ABCB10: variants seen among roughly 807,000 people sequenced by gnomAD.
The protein encoded by ABCB10 is ATP-binding cassette sub-family B member 10, mitochondrial.
ABCB10 carries 54 observed loss-of-function variants against 65.4 expected under a neutral mutation model. That is an observed-to-expected ratio of 0.83 (90% CI 0.66 to 1.04). The LOEUF (loss-of-function observed/expected upper bound fraction) is 1.04. ABCB10 is among the 50% of genes least tolerant of loss of function. The pLI is 0.00. For missense variants in ABCB10, 846 were observed against 976.6 expected (o/e 0.87, Z 1.78); for synonymous variants, 418 against 406.5 (o/e 1.03, Z -0.34).
intron 7 of ABCB10, among the ~76,000 whole-genome samples, 171 bp from the exon 8 acceptor site, chr1:229,530,579 C>T (rs916796397): frequency 3.9e-5 from 6 of 152,168 alleles, no homozygotes; most frequent in Non-Finnish European, 7.4e-5. Context: ...ATGCTTACCA[C>T]GTGCCAACTC....
intron 8 of ABCB10, 114 bp from the exon 9 acceptor site, chr1:229,527,422 C>A: frequency 1.1e-6 from 1 of 900,248 alleles, no homozygotes; most frequent in Non-Finnish European, 1.8e-6. Flanking sequence ...TCAAAATGTA[C>A]TGAAAATCTC....
At chr1:229,518,445 C>A in intron 12 of ABCB10, 35 bp from the exon 13 acceptor site, 11 of 1,565,006 alleles carry the variant, frequency 7.0e-6, no homozygotes, top group Non-Finnish European at 9.7e-6. Context: ...AAAGCAAAGA[C>A]GTCAGTGACA....
chr1:229,526,492 A>C (rs1466764271), intron 9 of ABCB10, among the ~76,000 whole-genome samples: 1 of 152,238 alleles, frequency 6.6e-6, no homozygotes, highest in Non-Finnish European at 1.5e-5. Flanking sequence ...AACCCTATGG[A>C]GTAGTCCTAA....
At chr1:229,532,196 C>T (rs1662603619) in intron 6 of ABCB10, among the ~76,000 whole-genome samples, 2 of 152,146 alleles carry the variant, frequency 1.3e-5, no homozygotes, top group South Asian at 4.1e-4. Flanking sequence ...AGGTGATCCA[C>T]CCGCCTCAGC....
chr1:229,519,742 T>G lies in ABCB10; in HGVS notation c.1951-867A>C, dbSNP rs180864909. Among the ~76,000 whole-genome samples the G allele has an allele frequency of 6.5e-4, 99 of 152,270 alleles. No individual in the cohort carries two copies. In the East Asian group the frequency reaches 0.017, roughly 26 times the overall value. On this transcript the variant is annotated intron_variant, in intron 11 of 12. Transcript: ENST00000344517. Reference sequence around the variant, plus strand: ...AAGTGGAGGCTGCAGTGAGCCAAGCTCACACCACTGCACTCCAGCCTGGGC... The same window carrying G: ...AAGTGGAGGCTGCAGTGAGCCAAGCGCACACCACTGCACTCCAGCCTGGGC...
chr1:229,543,174 A>G (rs1483979160), intron 3 of ABCB10, among the ~76,000 whole-genome samples: 1 of 151,862 alleles, frequency 6.6e-6, no homozygotes, highest in Non-Finnish European at 1.5e-5. Flanking sequence ...AACAGTCAAC[A>G]GAGGACTTGG....
chr1:229,548,487 T>C (rs1663021764), intron 2 of ABCB10, among the ~76,000 whole-genome samples: 1 of 152,124 alleles, frequency 6.6e-6, no homozygotes, highest in African/African-American at 2.4e-5. Flanking sequence ...TCTCTCATTA[T>C]TGTGGCAGTG....
intron 6 of ABCB10, 137 bp downstream of exon 6, chr1:229,539,319 C>T: frequency 7.6e-7 from 1 of 1,311,768 alleles, no homozygotes; most frequent in East Asian, 2.3e-5. Flanking sequence ...TTTAAAAGCC[C>T]AGTTGGAATA....
chr1:229,556,040 T>A (rs1247901193), intron 1 of ABCB10, among the ~76,000 whole-genome samples: 1 of 150,302 alleles, frequency 6.7e-6, no homozygotes, highest in African/African-American at 2.4e-5. Flanking sequence ...TATATATTCA[T>A]AATTTCTCAA....
intron 6 of ABCB10, among the ~76,000 whole-genome samples, chr1:229,537,579 G>T (rs1265239068): frequency 6.6e-6 from 1 of 152,126 alleles, no homozygotes; most frequent in Non-Finnish European, 1.5e-5. Context: ...CTGAGCTCAG[G>T]AGTTCAAGAC....
chr1:229,530,156 C>T (rs187496830), intron 8 of ABCB10, 43 bp downstream of exon 8: 874 of 1,601,570 alleles, frequency 5.5e-4, no homozygotes, highest in Middle Eastern at 1.9e-3. Context: ...GGGAGCAGAG[C>T]TCGGGAGAGT....
At chr1:229,522,669 A>C (rs1412380908) in intron 10 of ABCB10, among the ~76,000 whole-genome samples, 1 of 152,240 alleles carries the variant, frequency 6.6e-6, no homozygotes, top group African/African-American at 2.4e-5. Flanking sequence ...TCTTAAAAGC[A>C]TGTAAAGATC....
At chr1:229,519,780 C>CCGTCACAAATT (rs1379669819) in intron 11 of ABCB10, among the ~76,000 whole-genome samples, 2 of 151,660 alleles carry the variant, frequency 1.3e-5, no homozygotes, top group East Asian at 1.9e-4. Flanking sequence ...CAGAGTGAGA[C>CCGTCACAAATT]TCTGTCTCAG....
intron 8 of ABCB10, among the ~76,000 whole-genome samples, chr1:229,529,934 G>A (rs1558121369): frequency 6.6e-6 from 1 of 152,174 alleles, no homozygotes; most frequent in African/African-American, 2.4e-5. Flanking sequence ...CCGCATGGGA[G>A]ATGAGGAGGT....
intron 1 of ABCB10, 134 bp downstream of exon 1, chr1:229,558,002 G>T: frequency 1.0e-6 from 1 of 985,410 alleles, no homozygotes; most frequent in Non-Finnish European, 1.3e-6. Flanking sequence ...CCCTCCTCCG[G>T]GGTTAGGAGT....
rs1216978294 is a variant in ABCB10, at chr1:229,558,614, C to T, written c.39G>A (p.Glu13=). ...GPPAWPLRLL[E]PPSPAEPGRL... The stretch of plus-strand genomic sequence containing the variant: ...GACCTGGCTCGGCAGGGCTCGGTGG[C>T]TCGAGCAGCCGCAGCGGCCAGGCAG... Residue 13 remains glutamate, a synonymous_variant, in exon 1 of 13, where the codon GAG becomes GAA. Transcript: ENST00000344517. 3.5e-6 allele frequency: 5 copies of T among 1,419,638 alleles called. No individual in the cohort carries two copies. The highest frequency in any genetic ancestry group is 3.7e-6 in the Non-Finnish European group (4 of 1,087,524). 87.9% of individuals were successfully genotyped at this position (1,419,638 alleles called of 1,614,324 possible).
At chr1:229,542,149 C>A in intron 4 of ABCB10, 88 bp downstream of exon 4, 1 of 1,478,900 alleles carries the variant, frequency 6.8e-7, no homozygotes, top group South Asian at 1.4e-5. Context: ...ATTGAAAAAC[C>A]TAAGTACATC....
rs768627414 is a variant in ABCB10, at chr1:229,547,482, G to A, written c.921+17C>T. 7 of 1,611,866 alleles carry A rather than the reference G, an allele frequency of 4.3e-6. No homozygotes were observed. The highest frequency in any genetic ancestry group is 4.2e-6 in the Non-Finnish European group (5 of 1,179,716). ...AGCCCTGGCAGGAAGGTACCAAGGG[G>A]AACCAGGCCCACATACCATCATACT... On this transcript the variant is annotated intron_variant, in intron 3 of 12. Transcript: ENST00000344517.
chr1:229,557,140 T>C (rs1663268569), intron 1 of ABCB10, among the ~76,000 whole-genome samples: 1 of 152,212 alleles, frequency 6.6e-6, no homozygotes, highest in African/African-American at 2.4e-5. Context: ...AAACCTACTC[T>C]AAATCCCAAA....
Sources: allele counts gnomAD v4.1 joint callset (sites outside exome capture counted in the v4.1 genomes callset), GRCh38; gene constraint gnomAD v4.1.1; transcripts MANE v1.5; gene names NCBI Gene and HGNC (gene_info 2026-07-23, HGNC 2026-07-21).